Variants in DLG2 observed in about 807,000 individuals in gnomAD.
The protein encoded by DLG2 is disks large homolog 2.
DLG2 carries 45 observed loss-of-function variants against 132.5 expected under a neutral mutation model. That is an observed-to-expected ratio of 0.34 (90% CI 0.27 to 0.44). The LOEUF is 0.44. Ranked by LOEUF, DLG2 falls within the 20% of genes least tolerant of loss-of-function variation. The pLI is 1.00. For synonymous variants in DLG2, 424 were observed against 419.6 expected, an observed-to-expected ratio of 1.01 and a Z score of -0.13; for missense variants, 1,045 against 1,196.9, an observed-to-expected ratio of 0.87 and a Z score of 1.87.
Position 84,477,871 on chromosome 11 carries a change from A to C in DLG2, c.519+56699T>G, listed in dbSNP as rs374782914. ...CCCTTTTTAGCCAGGTGGCAGTATT[A>C]GTGGCAGTTAACATTAAAAAATATA... is the stretch of plus-strand genomic sequence containing the variant. On this transcript the variant is annotated intron_variant, in intron 7 of 27. Transcript: ENST00000376104. 1.1e-3 allele frequency among the ~76,000 whole-genome samples: 162 copies of C among 152,326 alleles called. 5 individuals carry two copies. In the South Asian group the frequency reaches 0.032, roughly 30 times the overall value.
intron 21 of DLG2, among the ~76,000 whole-genome samples, chr11:83,497,228 G>C (rs1043139688): frequency 7.2e-5 from 11 of 152,268 alleles, no homozygotes; most frequent in African/African-American, 2.4e-4. Flanking sequence ...TGGTGAAAGG[G>C]GGGAGAAGTA....
chr11:84,735,582 A>C (rs2063725399), intron 6 of DLG2, among the ~76,000 whole-genome samples: 1 of 152,104 alleles, frequency 6.6e-6, no homozygotes, highest in Admixed American at 6.6e-5. Flanking sequence ...ATTTTCAAAA[A>C]ACCAGCTCCT....
chr11:85,007,508 CA>C (rs1475482144), intron 6 of DLG2, among the ~76,000 whole-genome samples: 1 of 149,492 alleles, frequency 6.7e-6, no homozygotes, highest in African/African-American at 2.4e-5. Flanking sequence ...AAAAAAAACA[CA>C]AAAAAAATTA....
At chr11:84,164,976 T>C (rs2154263758) in intron 8 of DLG2, among the ~76,000 whole-genome samples, 1 of 152,300 alleles carries the variant, frequency 6.6e-6, no homozygotes, top group Admixed American at 6.5e-5. Context: ...GGTTTTGTTT[T>C]GTATATGCAA....
chr11:84,554,031 A>G (rs572386002), intron 6 of DLG2, among the ~76,000 whole-genome samples: 1 of 152,326 alleles, frequency 6.6e-6, no homozygotes, highest in East Asian at 1.9e-4. Context: ...TCTATTCATC[A>G]CAGAAAGTCC....
chr11:85,150,570 A>G (rs1190476017), intron 5 of DLG2, among the ~76,000 whole-genome samples: 1 of 152,032 alleles, frequency 6.6e-6, no homozygotes, highest in Non-Finnish European at 1.5e-5. Context: ...CCTACTTTAG[A>G]TACTTCATAG....
At chr11:84,917,039 C>T (rs2092512411) in intron 6 of DLG2, among the ~76,000 whole-genome samples, 1 of 152,202 alleles carries the variant, frequency 6.6e-6, no homozygotes, top group Non-Finnish European at 1.5e-5. Context: ...GATTTTTTGA[C>T]TTAGCACTTA....
At chr11:83,966,376 A>G (rs946404997) in intron 12 of DLG2, among the ~76,000 whole-genome samples, 1 of 151,956 alleles carries the variant, frequency 6.6e-6, no homozygotes, top group Non-Finnish European at 1.5e-5. Context: ...GAGCAAGTTC[A>G]AGGGTACCCT....
At chr11:83,949,482 G>T (rs1454588815) in intron 14 of DLG2, among the ~76,000 whole-genome samples, 1 of 149,066 alleles carries the variant, frequency 6.7e-6, no homozygotes, top group African/African-American at 2.4e-5. Context: ...CCAGTTATTT[G>T]ATTTCCACAT....
intron 11 of DLG2, among the ~76,000 whole-genome samples, chr11:84,046,848 C>T (rs1004726482): frequency 1.3e-5 from 2 of 151,466 alleles, no homozygotes; most frequent in Non-Finnish European, 3.0e-5. Context: ...TTTCTATATG[C>T]GATAAAGTAC....
intron 16 of DLG2, among the ~76,000 whole-genome samples, chr11:83,850,497 A>T (rs934316795): frequency 6.6e-6 from 1 of 152,066 alleles, no homozygotes; most frequent in Non-Finnish European, 1.5e-5. Flanking sequence ...TTTGATATAG[A>T]GAGATGGGGA....
At chr11:84,291,779 A>G (rs749753752) in intron 7 of DLG2, among the ~76,000 whole-genome samples, 11 of 152,212 alleles carry the variant, frequency 7.2e-5, no homozygotes, top group African/African-American at 1.2e-4. Context: ...GTAAAATGGA[A>G]CTAATATCTT....
At chr11:84,728,595 C>T (rs1162509092) in intron 6 of DLG2, among the ~76,000 whole-genome samples, 1 of 152,098 alleles carries the variant, frequency 6.6e-6, no homozygotes, top group Non-Finnish European at 1.5e-5. Flanking sequence ...CAGGATGATG[C>T]TGGCCTCATG....
intron 3 of DLG2, among the ~76,000 whole-genome samples, chr11:85,553,672 T>G (rs2076789062): frequency 6.6e-6 from 1 of 151,642 alleles, no homozygotes; most frequent in African/African-American, 2.4e-5. Context: ...ATTCCTTTCA[T>G]GTACACATTA....
chr11:83,942,985 C>T (rs1172883925), intron 14 of DLG2, among the ~76,000 whole-genome samples: 1 of 152,164 alleles, frequency 6.6e-6, no homozygotes, highest in African/African-American at 2.4e-5. Flanking sequence ...ATGCTGTTCT[C>T]ATGATGGTGA....
intron 19 of DLG2, among the ~76,000 whole-genome samples, chr11:83,583,656 A>T (rs2097023750): frequency 6.6e-6 from 1 of 152,208 alleles, no homozygotes; most frequent in African/African-American, 2.4e-5. Flanking sequence ...TACCATAGGG[A>T]TTTCAAAGAC....
intron 21 of DLG2, among the ~76,000 whole-genome samples, chr11:83,518,333 T>G (rs1343914102): frequency 6.6e-6 from 1 of 152,208 alleles, no homozygotes; most frequent in Non-Finnish European, 1.5e-5. Flanking sequence ...GCGCGGGATA[T>G]AATCTCCTGG....
intron 6 of DLG2, among the ~76,000 whole-genome samples, chr11:84,934,724 T>C (rs2154093461): frequency 6.6e-6 from 1 of 151,926 alleles, no homozygotes; most frequent in South Asian, 2.1e-4. Context: ...TGAATCCCTT[T>C]TAGTATTTTT....
At chr11:85,105,375 T>C (rs371949997) in intron 6 of DLG2, among the ~76,000 whole-genome samples, 6 of 152,076 alleles carry the variant, frequency 3.9e-5, no homozygotes, top group African/African-American at 1.4e-4. Flanking sequence ...TCTAAAATAC[T>C]GTAAGGGCCA....
Sources: gnomAD v4.1 joint callset for allele counts (sites outside exome capture counted in the v4.1 genomes callset) on GRCh38, gnomAD v4.1.1 for gene constraint, MANE v1.5 for transcripts, NCBI Gene and HGNC (gene_info 2026-07-23, HGNC 2026-07-21) for gene names.